The following TENM3 variants were observed in gnomAD, a reference collection of about 807,000 sequenced individuals.
The protein encoded by TENM3 is teneurin-3.
TENM3 carries 63 observed loss-of-function variants against 255.1 expected under a neutral mutation model. The observed-to-expected ratio is 0.25, with a 90% CI of 0.20 to 0.30. TENM3 has a LOEUF of 0.30. Among genes scored for constraint, TENM3 ranks in the 10% least tolerant of loss-of-function variants. TENM3 has a pLI of 1.00. For missense variants in TENM3, 2,929 were observed against 3,461.1 expected (o/e 0.85, Z 3.86); for synonymous variants, 1,306 against 1,322.3 (o/e 0.99, Z 0.27).
chr4:182,032,510 T>C, the TENM3 span, among the ~76,000 whole-genome samples: 1 of 152,146 alleles, frequency 6.6e-6, no homozygotes, highest in East Asian at 1.9e-4. Flanking sequence ...CCTGAAGTTT[T>C]TTTGTTGTTG....
the TENM3 span, among the ~76,000 whole-genome samples, chr4:181,536,384 C>A: frequency 6.6e-6 from 1 of 152,194 alleles, no homozygotes; most frequent in African/African-American, 2.4e-5. Flanking sequence ...ACAAATCCTG[C>A]CCCAGCTCTG....
intron 1 of TENM3, among the ~76,000 whole-genome samples, chr4:182,319,626 C>T (rs1031094789): frequency 2.0e-5 from 3 of 152,234 alleles, no homozygotes; most frequent in African/African-American, 7.2e-5. Flanking sequence ...TTAAGAATAC[C>T]TAAAATCATC....
the TENM3 span, among the ~76,000 whole-genome samples, chr4:181,623,749 G>A: frequency 2.0e-5 from 3 of 152,222 alleles, no homozygotes; most frequent in Non-Finnish European, 4.4e-5. Context: ...CAAGCTATCA[G>A]CAAGAGGAGT....
the TENM3 span, among the ~76,000 whole-genome samples, chr4:181,793,397 G>A: frequency 2.6e-5 from 4 of 152,146 alleles, no homozygotes; most frequent in Non-Finnish European, 5.9e-5. Context: ...CTTGTTAAGC[G>A]ACCATGTCAG....
At chr4:181,859,161 T>C in the TENM3 span, among the ~76,000 whole-genome samples, 1 of 141,522 alleles carries the variant, frequency 7.1e-6, no homozygotes, top group African/African-American at 2.6e-5. Context: ...GAGAATCACT[T>C]GAACCCAGGG....
chr4:182,238,279 C>T (rs1757014270), intron 1 of TENM3, among the ~76,000 whole-genome samples: 1 of 152,180 alleles, frequency 6.6e-6, no homozygotes, highest in Non-Finnish European at 1.5e-5. Context: ...AGTTTTCCAA[C>T]AACTGAGTCA....
chr4:182,392,971 CTG>C (rs1333895994), intron 3 of TENM3, among the ~76,000 whole-genome samples: 1 of 152,084 alleles, frequency 6.6e-6, no homozygotes, highest in East Asian at 1.9e-4. Context: ...TTGTGAGTAT[CTG>C]TGTAGGCTGA....
chr4:181,741,798 C>G, the TENM3 span, among the ~76,000 whole-genome samples: 2 of 152,154 alleles, frequency 1.3e-5, no homozygotes. Context: ...CCAGCTCAGT[C>G]TATTCTGTTT....
chr4:182,671,010 C>A (rs749439519), intron 6 of TENM3, among the ~76,000 whole-genome samples: 2 of 152,148 alleles, frequency 1.3e-5, no homozygotes, highest in Non-Finnish European at 2.9e-5. Context: ...CAAGAAATCA[C>A]TAGCATAAAG....
chr4:181,878,413 G>T, the TENM3 span, among the ~76,000 whole-genome samples: 1 of 152,006 alleles, frequency 6.6e-6, no homozygotes, highest in Non-Finnish European at 1.5e-5. Flanking sequence ...CTGGTCTATG[G>T]TCTAATCAAA....
At chr4:181,529,783 A>G in the TENM3 span, among the ~76,000 whole-genome samples, 1 of 152,206 alleles carries the variant, frequency 6.6e-6, no homozygotes, top group African/African-American at 2.4e-5. Flanking sequence ...CCAGAGTTCA[A>G]TAGGCACGGT....
chr4:182,074,593 T>C, the TENM3 span, among the ~76,000 whole-genome samples: 2,038 of 152,292 alleles, frequency 0.013, 135 homozygotes, highest in Admixed American at 0.11. Flanking sequence ...AAAGCTATTG[T>C]TGCTTAAGCA....
At chr4:181,793,174 T>G in the TENM3 span, among the ~76,000 whole-genome samples, 8 of 152,192 alleles carry the variant, frequency 5.3e-5, no homozygotes, top group African/African-American at 1.4e-4. Context: ...TGCGCTAGAC[T>G]CATTCATGCA....
At chr4:182,143,217 T>C (rs1749602849), upstream of TENM3, 1 of 167,152 alleles carries the variant, frequency 6.0e-6, no homozygotes, top group Non-Finnish European at 1.5e-5. The surrounding 1 kb of genome is among the most constrained non-coding windows in gnomAD (Gnocchi z 4.3). Context: ...GGTCCGCCCC[T>C]GGCCAGGTGA....
At chr4:181,517,976 G>A in the TENM3 span, among the ~76,000 whole-genome samples, 1 of 152,118 alleles carries the variant, frequency 6.6e-6, no homozygotes, top group African/African-American at 2.4e-5. Context: ...CAAATCAGAC[G>A]GAGGGATTAA....
chr4:181,742,246 A>G, the TENM3 span, among the ~76,000 whole-genome samples: 1 of 152,188 alleles, frequency 6.6e-6, no homozygotes, highest in African/African-American at 2.4e-5. Context: ...TTGTGTTGTT[A>G]TAATTCTGAC....
At chr4:182,685,842 T>A (rs1756529048) in intron 11 of TENM3, among the ~76,000 whole-genome samples, 1 of 152,098 alleles carries the variant, frequency 6.6e-6, no homozygotes, top group Admixed American at 6.5e-5. Context: ...TTACCTGAAT[T>A]ATTTTATAAA....
intron 1 of TENM3, among the ~76,000 whole-genome samples, chr4:182,223,296 G>A (rs147706309): frequency 2.6e-5 from 4 of 152,166 alleles, no homozygotes; most frequent in South Asian, 2.1e-4. Flanking sequence ...ATTGATTTGG[G>A]CAAGAAAGAC....
intron 4 of TENM3, among the ~76,000 whole-genome samples, chr4:182,625,675 A>G (rs997288546): frequency 1.6e-4 from 24 of 152,274 alleles, no homozygotes; most frequent in African/African-American, 5.8e-4. Flanking sequence ...GTTTGCCAGG[A>G]CTTTTTAGGG....
Sources: gnomAD v4.1 joint callset for allele counts (sites outside exome capture counted in the v4.1 genomes callset) on GRCh38, gnomAD v4.1.1 for gene constraint, Gnocchi (gnomAD v3.1) non-coding constraint, MANE v1.5 for transcripts, NCBI Gene and HGNC (gene_info 2026-07-23, HGNC 2026-07-21) for gene names.